WDR19: variants seen among roughly 807,000 people sequenced by gnomAD.
WDR19 encodes the protein WD repeat-containing protein 19.
In WDR19, 121 loss-of-function variants were observed where a neutral mutation model predicts 180.0. That is an observed-to-expected ratio of 0.67 (90% confidence interval 0.58 to 0.78). WDR19 has a LOEUF of 0.78. Among genes scored for constraint, WDR19 ranks in the 30% least tolerant of loss-of-function variants. The pLI is 0.00. For missense variants in WDR19, 1,450 were observed against 1,640.7 expected (o/e 0.88, Z 2.01); for synonymous variants, 497 against 540.7 (o/e 0.92, Z 1.12).
At chr4:39,246,808 G>A (rs972212501) in intron 24 of WDR19, among the ~76,000 whole-genome samples, 6 of 152,210 alleles carry the variant, frequency 3.9e-5, no homozygotes, top group South Asian at 4.1e-4. Flanking sequence ...GCTGGTGGAC[G>A]GGCGCCCGCC....
intron 12 of WDR19, 60 bp downstream of exon 12, chr4:39,216,270 A>C (rs1293243955): frequency 6.7e-6 from 9 of 1,343,144 alleles, no homozygotes; most frequent in Non-Finnish European, 8.1e-6. Context: ...CTTATTTGGG[A>C]AGCACTGCAA....
intron 31 of WDR19, among the ~76,000 whole-genome samples, chr4:39,270,563 A>C (rs1378563997): frequency 1.9e-4 from 29 of 152,056 alleles, no homozygotes; most frequent in Non-Finnish European, 1.0e-4. Flanking sequence ...TTTTTAGTAG[A>C]TATGGGGTTT....
intron 9 of WDR19, among the ~76,000 whole-genome samples, chr4:39,210,865 A>C (rs1027969961): frequency 6.6e-6 from 1 of 152,070 alleles, no homozygotes; most frequent in African/African-American, 2.4e-5. Context: ...GGCCAGGCAC[A>C]GTGGCTCACA....
At chr4:39,185,499 C>G (rs1725418471) in intron 1 of WDR19, among the ~76,000 whole-genome samples, 1 of 152,014 alleles carries the variant, frequency 6.6e-6, no homozygotes. Flanking sequence ...AATAAAAGCC[C>G]TCCTATATCT....
At chr4:39,186,893 C>G (rs1196576922) in intron 3 of WDR19, among the ~76,000 whole-genome samples, 1 of 152,102 alleles carries the variant, frequency 6.6e-6, no homozygotes, top group African/African-American at 2.4e-5. Context: ...AAATTATAAA[C>G]AAGTCTTAGT....
At chr4:39,285,242 C>T (rs200900698) in intron 36 of WDR19, among the ~76,000 whole-genome samples, 1 of 39,658 alleles carries the variant, frequency 2.5e-5, no homozygotes, top group Non-Finnish European at 4.5e-5. Context: ...TGGCTGTTAT[C>T]ATCAGCATCC....
intron 33 of WDR19, among the ~76,000 whole-genome samples, chr4:39,275,834 G>A (rs1735838414): frequency 6.6e-6 from 1 of 152,162 alleles, no homozygotes; most frequent in Non-Finnish European, 1.5e-5. Flanking sequence ...GTTCCTCTCA[G>A]TGTGAGGAAC....
At chr4:39,256,097 C>T (rs964161813) in intron 27 of WDR19, 137 bp downstream of exon 27, 1 of 454,914 alleles carries the variant, frequency 2.2e-6, no homozygotes, top group African/African-American at 2.8e-5. Flanking sequence ...TCAGAGCTAA[C>T]TCTGAAATAT....
intron 5 of WDR19, among the ~76,000 whole-genome samples, chr4:39,195,820 A>G (rs931617294): frequency 6.6e-6 from 1 of 152,218 alleles, no homozygotes; most frequent in Non-Finnish European, 1.5e-5. Flanking sequence ...TTTTACATAT[A>G]TGTATCTCTT....
chr4:39,276,183 C>T (rs891651559), intron 33 of WDR19, among the ~76,000 whole-genome samples: 9 of 152,138 alleles, frequency 5.9e-5, no homozygotes, highest in Non-Finnish European at 1.3e-4. Flanking sequence ...GCAAATGACA[C>T]TTCACTGGTA....
At chr4:39,208,142 A>T (rs1021004359) in intron 9 of WDR19, among the ~76,000 whole-genome samples, 1 of 152,182 alleles carries the variant, frequency 6.6e-6, no homozygotes, top group Non-Finnish European at 1.5e-5. Flanking sequence ...TTAAAATGGA[A>T]TACTAAAAAA....
chr4:39,228,804 A>ATT (rs869038750), intron 17 of WDR19, 114 bp downstream of exon 17: 1,047 of 957,366 alleles, frequency 1.1e-3, no homozygotes, highest in South Asian at 1.5e-3. Context: ...CCTTGCAAGA[A>ATT]TTTTTTTTTT....
chr4:39,243,764 A>G (rs916171574), intron 21 of WDR19, among the ~76,000 whole-genome samples: 1 of 152,220 alleles, frequency 6.6e-6, no homozygotes, highest in Non-Finnish European at 1.5e-5. Context: ...ATAATCTGAC[A>G]TTACATCTTA....
intron 1 of WDR19, among the ~76,000 whole-genome samples, chr4:39,182,775 G>A (rs893806149): frequency 5.3e-5 from 8 of 152,140 alleles, no homozygotes; most frequent in Admixed American, 2.0e-4. Context: ...GGCGGAGAGA[G>A]AGGCCTCTCG....
At chr4:39,259,269 A>G (rs1734055103) in intron 28 of WDR19, among the ~76,000 whole-genome samples, 1 of 152,214 alleles carries the variant, frequency 6.6e-6, no homozygotes, top group African/African-American at 2.4e-5. Flanking sequence ...AGCACCATTT[A>G]TCAAAATACT....
At chr4:39,224,030 A>C (rs1729975959) in intron 14 of WDR19, among the ~76,000 whole-genome samples, 1 of 152,088 alleles carries the variant, frequency 6.6e-6, no homozygotes, top group African/African-American at 2.4e-5. Flanking sequence ...GTGTTTTATA[A>C]TTTTCAGCAT....
intron 5 of WDR19, among the ~76,000 whole-genome samples, chr4:39,198,365 T>C (rs1726996745): frequency 6.9e-6 from 1 of 145,534 alleles, no homozygotes; most frequent in Admixed American, 6.9e-5. Flanking sequence ...GAGACTATCC[T>C]GGCTAACATG....
At chr4:39,261,050 G>A (rs1734241069) in intron 28 of WDR19, among the ~76,000 whole-genome samples, 1 of 151,888 alleles carries the variant, frequency 6.6e-6, no homozygotes, top group Non-Finnish European at 1.5e-5. Flanking sequence ...CTGGAGTGCA[G>A]TGGCACGATC....
At chr4:39,276,281 T>A (rs1365357143) in intron 33 of WDR19, among the ~76,000 whole-genome samples, 1 of 152,124 alleles carries the variant, frequency 6.6e-6, no homozygotes, top group Non-Finnish European at 1.5e-5. Context: ...CTAAGTAGCT[T>A]CAGACCAAAT....
Sources: gnomAD v4.1 joint callset for allele counts (sites outside exome capture counted in the v4.1 genomes callset) on GRCh38, gnomAD v4.1.1 for gene constraint, MANE v1.5 for transcripts, NCBI Gene and HGNC (gene_info 2026-07-23, HGNC 2026-07-21) for gene names.